The following MACROD2 variants were observed in gnomAD, a reference collection of about 807,000 sequenced individuals.
The protein encoded by MACROD2 is ADP-ribose glycohydrolase MACROD2.
Under a neutral mutation model 70.4 loss-of-function variants are expected in MACROD2, and 36 were observed. The ratio of observed to expected loss-of-function variants is 0.51; its 90% CI spans 0.39 to 0.68. The LOEUF (loss-of-function observed/expected upper bound fraction) is 0.68. MACROD2 is among the 30% of genes least tolerant of loss of function. The pLI is 0.00. For missense variants in MACROD2, 496 were observed against 538.4 expected, an observed-to-expected ratio of 0.92 and a Z score of 0.78; for synonymous variants, 172 against 178.8, an observed-to-expected ratio of 0.96 and a Z score of 0.30.
chr20:14,532,350 T>TG (rs1478330832), intron 4 of MACROD2, among the ~76,000 whole-genome samples: 1 of 151,378 alleles, frequency 6.6e-6, no homozygotes, highest in African/African-American at 2.4e-5. Flanking sequence ...CCCAAGTAGC[T>TG]GGGACTACAG....
chr20:15,898,549 T>TAAAAAAAAA (rs10678216), intron 10 of MACROD2, among the ~76,000 whole-genome samples: 2 of 94,518 alleles, frequency 2.1e-5, no homozygotes, highest in Non-Finnish European at 1.9e-5. Context: ...AGACTCAGTC[T>TAAAAAAAAA]AAAAAAAAAA....
chr20:14,973,747 T>C (rs1180394861), intron 5 of MACROD2, among the ~76,000 whole-genome samples: 1 of 152,114 alleles, frequency 6.6e-6, no homozygotes, highest in Non-Finnish European at 1.5e-5. Context: ...GTGTCCCCTC[T>C]GTATGGAAGA....
At chr20:15,967,681 G>GA (rs11467891) in intron 13 of MACROD2, 51 bp downstream of exon 13, 32,946 of 414,312 alleles carry the variant, frequency 0.08, 47 homozygotes, top group Non-Finnish European at 0.085. Flanking sequence ...CTGGGAAACA[G>GA]AAAAAAAAAA....
intron 5 of MACROD2, among the ~76,000 whole-genome samples, chr20:15,161,248 A>C (rs799176): frequency 0.51 from 77,968 of 151,524 alleles, 20,156 homozygotes; most frequent in East Asian, 0.56. Flanking sequence ...TCAATAAAAA[A>C]ATCATTTGCA....
chr20:14,563,391 A>C (rs973330999), intron 4 of MACROD2, among the ~76,000 whole-genome samples: 1 of 151,992 alleles, frequency 6.6e-6, no homozygotes, highest in Admixed American at 6.6e-5. Context: ...AATAAGTAAA[A>C]TATTTAAACG....
chr20:15,208,771 A>G (rs1373319003), intron 5 of MACROD2, among the ~76,000 whole-genome samples: 2 of 152,158 alleles, frequency 1.3e-5, no homozygotes, highest in African/African-American at 4.8e-5. Flanking sequence ...CTCCCCAGTT[A>G]GCTTCCACTG....
At chr20:14,789,801 T>C (rs1291722122) in intron 5 of MACROD2, among the ~76,000 whole-genome samples, 2 of 151,886 alleles carry the variant, frequency 1.3e-5, no homozygotes, top group African/African-American at 4.8e-5. Context: ...TGATGCAAAC[T>C]TATAAACCAC....
intron 6 of MACROD2, among the ~76,000 whole-genome samples, chr20:15,411,132 C>G (rs1005303198): frequency 1.6e-4 from 20 of 127,366 alleles, no homozygotes; most frequent in African/African-American, 5.7e-4. Flanking sequence ...TAATTAATTG[C>G]CACCAGGATA....
intron 5 of MACROD2, among the ~76,000 whole-genome samples, chr20:14,768,915 T>C (rs6034035): frequency 0.029 from 4,487 of 152,180 alleles, 193 homozygotes; most frequent in East Asian, 0.11. Context: ...TATTTCTCAA[T>C]AAAGAAGAAG....
chr20:15,012,628 GA>G (rs2122937535), intron 5 of MACROD2, among the ~76,000 whole-genome samples: 1 of 152,214 alleles, frequency 6.6e-6, no homozygotes, highest in South Asian at 2.1e-4. Context: ...TCCTGAATAG[GA>G]AAGCAGAGCT....
intron 9 of MACROD2, among the ~76,000 whole-genome samples, chr20:15,872,294 G>T (rs1374740216): frequency 6.6e-6 from 1 of 152,138 alleles, no homozygotes; most frequent in Non-Finnish European, 1.5e-5. Context: ...GTCATGAGCT[G>T]CTAAGGTTTT....
intron 6 of MACROD2, among the ~76,000 whole-genome samples, chr20:15,365,800 A>G (rs117751529): frequency 0.038 from 5,855 of 152,344 alleles, 159 homozygotes; most frequent in South Asian, 0.072. Context: ...AAAATTGATT[A>G]CATAATTAAA....
intron 5 of MACROD2, among the ~76,000 whole-genome samples, chr20:15,020,671 A>G (rs1304767737): frequency 6.6e-6 from 1 of 152,074 alleles, no homozygotes; most frequent in Non-Finnish European, 1.5e-5. Flanking sequence ...CTATACTGGT[A>G]TAGTCTATTG....
intron 8 of MACROD2, among the ~76,000 whole-genome samples, chr20:15,622,010 A>G (rs1179148282): frequency 1.3e-5 from 2 of 152,208 alleles, no homozygotes; most frequent in African/African-American, 4.8e-5. Flanking sequence ...TGGGCTCTGC[A>G]GTGAGAAGGC....
chr20:15,427,351 G>T (rs541729694), intron 6 of MACROD2, among the ~76,000 whole-genome samples: 23 of 152,292 alleles, frequency 1.5e-4, no homozygotes, highest in African/African-American at 5.5e-4. Context: ...TGAGAGCTAA[G>T]GCAAATGAAA....
At chr20:15,454,406 A>AAC (rs10523169) in intron 7 of MACROD2, among the ~76,000 whole-genome samples, 3,183 of 137,382 alleles carry the variant, frequency 0.023, 63 homozygotes, top group African/African-American at 0.044. Flanking sequence ...GACATATTCA[A>AAC]ACACACACAC....
chr20:14,600,343 T>C (rs6110352), intron 4 of MACROD2, among the ~76,000 whole-genome samples: 2,478 of 130,230 alleles, frequency 0.019, 155 homozygotes, highest in African/African-American at 0.067. Context: ...TATATATATA[T>C]ACACACACAC....
intron 8 of MACROD2, among the ~76,000 whole-genome samples, chr20:15,704,681 C>T (rs1428351410): frequency 6.6e-6 from 1 of 152,130 alleles, no homozygotes; most frequent in Non-Finnish European, 1.5e-5. Context: ...CATGGAACAA[C>T]TTTTGAGTAG....
chr20:15,836,163 TA>T (rs1377004298), intron 8 of MACROD2, among the ~76,000 whole-genome samples: 1 of 152,224 alleles, frequency 6.6e-6, no homozygotes, highest in African/African-American at 2.4e-5. Context: ...GCTGAGTATC[TA>T]ATAATAGTGA....
Sources: gnomAD v4.1 joint callset for allele counts (sites outside exome capture counted in the v4.1 genomes callset) on GRCh38, gnomAD v4.1.1 for gene constraint, MANE v1.5 for transcripts, NCBI Gene and HGNC (gene_info 2026-07-23, HGNC 2026-07-21) for gene names.